The following MMP26 variants were observed in gnomAD, a reference collection of about 807,000 sequenced individuals.
The protein encoded by MMP26 is matrix metallopeptidase 26.
In MMP26, 33 loss-of-function variants were observed where a neutral mutation model predicts 31.0. That is an observed-to-expected ratio of 1.06 (90% confidence interval 0.81 to 1.42). The LOEUF is 1.42. Among genes scored for constraint, MMP26 ranks in the 40% most tolerant of loss-of-function variants. MMP26 has a pLI of 0.00. For synonymous variants in MMP26, 122 were observed against 114.9 expected (o/e 1.06, Z -0.40); for missense variants, 347 against 316.1 (o/e 1.10, Z -0.74).
At position 4,815,070 on chromosome 11, in the gene MMP26, C is replaced by T. The variant is rs187412862; in HGVS notation, c.-145+47729C>T. ...GCAGGACAACTCAAAGCAGGAGCTT[C>T]CAGGTAATAGGAAGATAAGAGACAA... On this transcript the variant is annotated intron_variant, in intron 2 of 7. Coordinates refer to ENST00000380390, the MANE Select transcript of MMP26 (RefSeq NM_021801.5). 8.1e-4 allele frequency among the ~76,000 whole-genome samples: 124 copies of T among 152,194 alleles called. 1 individual carries two copies. In the East Asian group the frequency reaches 0.021, roughly 26 times the overall value.
chr11:4,813,011 G>T (rs10836705), intron 2 of MMP26, among the ~76,000 whole-genome samples: 1 of 148,476 alleles, frequency 6.7e-6, no homozygotes. Context: ...GTGTGTGTGT[G>T]TATGTATATA....
intron 2 of MMP26, chr11:4,821,394 A>T (rs756507584): frequency 6.2e-7 from 1 of 1,612,736 alleles, no homozygotes; most frequent in Admixed American, 1.7e-5. Context: ...AAATGACTGA[A>T]ACATCCCTGT....
intron 1 of MMP26, among the ~76,000 whole-genome samples, chr11:4,738,772 C>T (rs993815562): frequency 2.0e-5 from 3 of 151,732 alleles, no homozygotes; most frequent in Admixed American, 6.6e-5. Flanking sequence ...TTTTTGAAAG[C>T]GTTCCTTCTA....
chr11:4,938,057 A>G (rs1283138838), intron 2 of MMP26: 3 of 152,206 alleles, frequency 2.0e-5, no homozygotes, highest in African/African-American at 4.8e-5. Context: ...GTGATGGGTA[A>G]GGAAGACAGA....
chr11:4,936,490 A>G (rs1323918963), intron 2 of MMP26, among the ~76,000 whole-genome samples: 1 of 152,142 alleles, frequency 6.6e-6, no homozygotes, highest in Non-Finnish European at 1.5e-5. Flanking sequence ...AGAAGTTTAA[A>G]AGTCTATTTA....
intron 2 of MMP26, among the ~76,000 whole-genome samples, chr11:4,927,425 A>C (rs1486754199): frequency 6.6e-6 from 1 of 152,164 alleles, no homozygotes; most frequent in African/African-American, 2.4e-5. Flanking sequence ...CATGACTTTT[A>C]CAAGATCACA....
chr11:4,867,013 A>G (rs1309716716), intron 2 of MMP26, among the ~76,000 whole-genome samples: 1 of 152,190 alleles, frequency 6.6e-6, no homozygotes, highest in Admixed American at 6.5e-5. Flanking sequence ...CATTCAGGTC[A>G]TAGGCATGAG....
rs770416173 is a variant in MMP26 at position 4,769,428 on chromosome 11, G to A, written c.-145+2087G>A. 20 of 1,613,652 alleles carry A rather than the reference G, an allele frequency of 1.2e-5. 1 individual carries two copies. The highest frequency in any genetic ancestry group is 1.6e-4 in the Middle Eastern group (1 of 6,062). ...CTACAGAAATAGAGAGGCTTAAGGA[G>A]CAAAAGTAGTGGCAATATTAGTACT... On this transcript the variant is annotated intron_variant, in intron 2 of 7. Transcript: ENST00000380390.
intron 1 of MMP26, among the ~76,000 whole-genome samples, chr11:4,757,764 C>A (rs1270766529): frequency 6.6e-6 from 1 of 150,662 alleles, no homozygotes; most frequent in Non-Finnish European, 1.5e-5. Flanking sequence ...CCTTTATCCA[C>A]CCACTAGAAT....
At chr11:4,863,964 G>T (rs141025750) in intron 2 of MMP26, among the ~76,000 whole-genome samples, 1 of 152,032 alleles carries the variant, frequency 6.6e-6, no homozygotes, top group African/African-American at 2.4e-5. Context: ...GTGTATGCAC[G>T]CACACACACT....
intron 2 of MMP26, among the ~76,000 whole-genome samples, chr11:4,785,018 T>C (rs35324703): frequency 0.095 from 14,401 of 152,150 alleles, 840 homozygotes; most frequent in Middle Eastern, 0.15. Flanking sequence ...GGGGAGGCAA[T>C]ATAGACTTCA....
chr11:4,873,603 A>G (rs1161804077), intron 2 of MMP26, among the ~76,000 whole-genome samples: 1 of 152,148 alleles, frequency 6.6e-6, no homozygotes, highest in Non-Finnish European at 1.5e-5. Context: ...TAACTTTAGA[A>G]TTACATAAAT....
At chr11:4,899,895 AAC>A (rs1850775478) in intron 2 of MMP26, among the ~76,000 whole-genome samples, 1 of 152,214 alleles carries the variant, frequency 6.6e-6, no homozygotes. Context: ...AGAAATAGGA[AAC>A]ACAAATTTTC....
intron 2 of MMP26, among the ~76,000 whole-genome samples, chr11:4,776,643 G>C (rs1338039205): frequency 6.6e-6 from 1 of 152,074 alleles, no homozygotes; most frequent in African/African-American, 2.4e-5. Flanking sequence ...TGAATCATGG[G>C]GGCAGATTTC....
At chr11:4,717,388 G>T (rs1210173894) in intron 1 of MMP26, among the ~76,000 whole-genome samples, 1 of 152,158 alleles carries the variant, frequency 6.6e-6, no homozygotes, top group Non-Finnish European at 1.5e-5. Context: ...CTGGAAAGGA[G>T]TAAGAGCTCT....
chr11:4,890,642 T>A (rs1850605610), intron 2 of MMP26: 1 of 152,114 alleles, frequency 6.6e-6, no homozygotes, highest in Non-Finnish European at 1.5e-5. Flanking sequence ...TGACACTCAG[T>A]ATGGATCTCC....
intron 2 of MMP26, among the ~76,000 whole-genome samples, chr11:4,829,539 G>A (rs1474188097): frequency 1.3e-5 from 2 of 152,208 alleles, no homozygotes; most frequent in East Asian, 3.9e-4. Context: ...AAAGTTACTG[G>A]GCTGAACAAT....
rs147677369 is a variant in MMP26 at position 4,920,808 on chromosome 11, A to ATATTC, written c.-144-67259_-144-67255dup. Among the ~76,000 whole-genome samples the ATATTC allele has an allele frequency of 5.4e-3, 819 of 152,324 alleles. 10 individuals are homozygous for ATATTC. The highest frequency in any genetic ancestry group is 0.019 in the African/African-American group (795 of 41,572). On this transcript the variant is annotated intron_variant, in intron 2 of 7. Coordinates refer to ENST00000380390, the MANE Select transcript of MMP26 (RefSeq NM_021801.5). ...CCATCATATGTTGATTCTCCATAAAATATTCAAAATGAGAAGGGTAATCTT... is the reference window on the plus strand; with the variant it reads ...CCATCATATGTTGATTCTCCATAAAATATTCTATTCAAAATGAGAAGGGTAATCTT...
intron 2 of MMP26, chr11:4,821,408 C>T (rs779044916): frequency 1.2e-6 from 2 of 1,613,700 alleles, no homozygotes; most frequent in South Asian, 2.2e-5. Context: ...TCCCTGTCTT[C>T]TCAGTGCTTC....
Sources: gnomAD v4.1 joint callset for allele counts (sites outside exome capture counted in the v4.1 genomes callset) on GRCh38, gnomAD v4.1.1 for gene constraint, MANE v1.5 for transcripts, NCBI Gene and HGNC (gene_info 2026-07-23, HGNC 2026-07-21) for gene names.